Variants in SLIT2 observed in about 807,000 individuals in gnomAD.
SLIT2 encodes the protein slit guidance ligand 2.
In SLIT2, 41 loss-of-function variants were observed where a neutral mutation model predicts 185.7. The observed-to-expected ratio is 0.22, with a 90% CI of 0.17 to 0.29. The LOEUF is 0.29. Among genes scored for constraint, SLIT2 ranks in the 10% least tolerant of loss-of-function variants. The probability of loss-of-function intolerance (pLI) is 1.00; values close to 1 mark genes in which losing one functional copy is unlikely to be tolerated. For synonymous variants in SLIT2, 693 were observed against 680.2 expected (o/e 1.02, Z -0.29); for missense variants, 1,571 against 1,909.0 (o/e 0.82, Z 3.30).
chr4:20,563,158 T>C (rs1724830404), intron 26 of SLIT2, among the ~76,000 whole-genome samples: 1 of 151,712 alleles, frequency 6.6e-6, no homozygotes, highest in Non-Finnish European at 1.5e-5. Context: ...TCTCTTTGAA[T>C]TATTAAGCTA....
At chr4:20,479,054 A>G (rs1005440545) in intron 5 of SLIT2, among the ~76,000 whole-genome samples, 12 of 152,164 alleles carry the variant, frequency 7.9e-5, no homozygotes, top group African/African-American at 2.9e-4. Flanking sequence ...TGATTTGGGG[A>G]AAACTTTAGT....
chr4:20,524,317 AAGAGGACTGT>A (rs1256148816), intron 14 of SLIT2, 140 bp downstream of exon 14: 5 of 732,794 alleles, frequency 6.8e-6, no homozygotes, highest in Non-Finnish European at 1.1e-5. Flanking sequence ...TAATAAAATA[AAGAGGACTGT>A]AGACCCAATT....
intron 9 of SLIT2, among the ~76,000 whole-genome samples, chr4:20,496,207 A>G (rs1466784884): frequency 6.6e-6 from 1 of 152,206 alleles, no homozygotes; most frequent in Non-Finnish European, 1.5e-5. Flanking sequence ...GTAGAAAATA[A>G]TGACTCATTT....
chr4:20,297,821 T>C (rs1446543137), intron 4 of SLIT2, among the ~76,000 whole-genome samples: 2 of 152,170 alleles, frequency 1.3e-5, no homozygotes, highest in East Asian at 1.9e-4. Flanking sequence ...CTCTGAGTTA[T>C]CTGTAACGGA....
chr4:20,538,960 C>A (rs1357729721), intron 18 of SLIT2, among the ~76,000 whole-genome samples: 1 of 152,078 alleles, frequency 6.6e-6, no homozygotes, highest in Non-Finnish European at 1.5e-5. Context: ...CGCCCCTGGA[C>A]CATGTTTGAC....
intron 26 of SLIT2, among the ~76,000 whole-genome samples, chr4:20,559,584 C>T (rs1724532405): frequency 6.6e-6 from 1 of 151,850 alleles, no homozygotes; most frequent in South Asian, 2.1e-4. Context: ...ACAATAATAG[C>T]TAAGTTCTAT....
chr4:20,597,068 G>GT (rs562211138), intron 32 of SLIT2, among the ~76,000 whole-genome samples: 6,909 of 134,988 alleles, frequency 0.051, 269 homozygotes, highest in African/African-American at 0.1. Context: ...TTGTTTTGTT[G>GT]TTTTTTTTTT....
intron 14 of SLIT2, 46 bp from the exon 15 acceptor site, chr4:20,525,103 T>A: frequency 1.4e-6 from 2 of 1,423,422 alleles, no homozygotes; most frequent in South Asian, 1.1e-5. Flanking sequence ...CTCTGCTTGC[T>A]GACATTCAGG....
At chr4:20,421,420 C>A (rs1415413835) in intron 4 of SLIT2, among the ~76,000 whole-genome samples, 1 of 152,058 alleles carries the variant, frequency 6.6e-6, no homozygotes, top group Admixed American at 6.6e-5. Flanking sequence ...TTCCTCTGTC[C>A]CTCCCTTCAC....
intron 36 of SLIT2, among the ~76,000 whole-genome samples, chr4:20,617,962 A>AGGG (rs1490799236): frequency 2.6e-5 from 4 of 152,174 alleles, no homozygotes; most frequent in African/African-American, 9.7e-5. Flanking sequence ...TACCTGATGG[A>AGGG]GAAGCACATT....
intron 21 of SLIT2, among the ~76,000 whole-genome samples, chr4:20,543,938 C>T (rs773732757): frequency 1.1e-4 from 17 of 151,912 alleles, no homozygotes; most frequent in African/African-American, 3.1e-4. Flanking sequence ...AGGGATATTC[C>T]GAAACCCTCC....
At chr4:20,439,421 T>C (rs1436197486) in intron 4 of SLIT2, among the ~76,000 whole-genome samples, 2 of 152,192 alleles carry the variant, frequency 1.3e-5, no homozygotes, top group Non-Finnish European at 2.9e-5. Flanking sequence ...TAGCTGCTGG[T>C]GGTTTGCCAG....
chr4:20,483,701 A>T (rs1046014181), intron 6 of SLIT2, among the ~76,000 whole-genome samples: 2 of 152,060 alleles, frequency 1.3e-5, no homozygotes, highest in Admixed American at 6.6e-5. Context: ...CTCCATGATT[A>T]TACAGGCTAA....
At chr4:20,618,167 T>A (rs1729828039) in intron 36 of SLIT2, among the ~76,000 whole-genome samples, 1 of 152,166 alleles carries the variant, frequency 6.6e-6, no homozygotes, top group African/African-American at 2.4e-5. Flanking sequence ...ACTTCTTAGT[T>A]CACCTTCCTC....
At chr4:20,458,734 A>T (rs1257932708) in intron 4 of SLIT2, among the ~76,000 whole-genome samples, 1 of 152,192 alleles carries the variant, frequency 6.6e-6, no homozygotes, top group Non-Finnish European at 1.5e-5. Context: ...ACAACAGAGC[A>T]AGTTCAAATC....
chr4:20,412,143 T>G (rs1293612676), intron 4 of SLIT2, among the ~76,000 whole-genome samples: 1 of 152,092 alleles, frequency 6.6e-6, no homozygotes, highest in African/African-American at 2.4e-5. Flanking sequence ...CTTACATGTC[T>G]GCATTTATAT....
rs1722273568 is a variant in SLIT2, at chr4:20,254,126, G to C, written c.179+132G>C. The C allele has an allele frequency of 2.5e-5, 23 of 916,348 alleles. 1 individual carries two copies. The highest frequency in any genetic ancestry group is 4.4e-4 in the Middle Eastern group (2 of 4,502). The allele number at this position is 916,348 out of a possible 1,614,324, so 56.8% of individuals were successfully genotyped here. A position where few individuals can be genotyped will look rare whatever the true frequency, so the allele number is the denominator to read the frequency against. ...CTAGCTCTCCCCCATGCACATCCTG[G>C]GGTTGAGCTCTCCGGGAGGGCACTG... On this transcript the variant is annotated intron_variant, in intron 1 of 36. Transcript: ENST00000504154. This position sits in a 1 kb window ranked among gnomAD's most constrained non-coding sequence, Gnocchi z 5.1.
At chr4:20,387,397 T>C (rs1438180687) in intron 4 of SLIT2, among the ~76,000 whole-genome samples, 1 of 140,634 alleles carries the variant, frequency 7.1e-6, no homozygotes, top group Non-Finnish European at 1.6e-5. Context: ...AAAATAATTA[T>C]GTTCTCAAAA....
At chr4:20,587,853 C>T (rs924807516) in intron 29 of SLIT2, among the ~76,000 whole-genome samples, 3 of 152,036 alleles carry the variant, frequency 2.0e-5, no homozygotes, top group African/African-American at 7.2e-5. Context: ...AAAACATTTC[C>T]CTTTATTATA....
Sources: gnomAD v4.1 joint callset for allele counts (sites outside exome capture counted in the v4.1 genomes callset) on GRCh38, gnomAD v4.1.1 for gene constraint, Gnocchi (gnomAD v3.1) non-coding constraint, MANE v1.5 for transcripts, NCBI Gene and HGNC (gene_info 2026-07-23, HGNC 2026-07-21) for gene names.